VPS13B: variants seen among roughly 807,000 people sequenced by gnomAD.
VPS13B encodes intermembrane lipid transfer protein VPS13B.
VPS13B carries 285 observed loss-of-function variants against 426.4 expected under a neutral mutation model. That is an observed-to-expected ratio of 0.67 (90% CI 0.61 to 0.74). The LOEUF (loss-of-function observed/expected upper bound fraction) is 0.74, where lower values mean the gene tolerates loss of function less well. Among genes scored for constraint, VPS13B ranks in the 30% least tolerant of loss-of-function variants. The probability of loss-of-function intolerance (pLI) is 0.00; values close to 1 mark genes in which losing one functional copy is unlikely to be tolerated. For missense variants in VPS13B, 4,537 were observed against 4,782.6 expected (o/e 0.95, Z 1.51); for synonymous variants, 1,676 against 1,676.4 (o/e 1.00, Z 0.01).
chr8:99,505,393 C>T (rs1396388389), intron 27 of VPS13B, among the ~76,000 whole-genome samples: 2 of 152,120 alleles, frequency 1.3e-5, no homozygotes, highest in African/African-American at 4.8e-5. Context: ...GAGAGATTTG[C>T]AACTCTTCTT....
intron 2 of VPS13B, among the ~76,000 whole-genome samples, chr8:99,025,508 A>G (rs1730398357): frequency 6.6e-6 from 1 of 152,080 alleles, no homozygotes; most frequent in Non-Finnish European, 1.5e-5. Context: ...TTCATCAGGC[A>G]TATTGTCTTG....
chr8:99,743,916 C>A (rs1809909076), intron 39 of VPS13B, among the ~76,000 whole-genome samples: 1 of 152,136 alleles, frequency 6.6e-6, no homozygotes, highest in South Asian at 2.1e-4. Flanking sequence ...TAGGCATGGG[C>A]AAGGACTTCA....
At chr8:99,546,118 T>G (rs1823959170) in intron 30 of VPS13B, among the ~76,000 whole-genome samples, 2 of 152,084 alleles carry the variant, frequency 1.3e-5, no homozygotes, top group South Asian at 2.1e-4. Context: ...GAATACTAAC[T>G]TCTGTTCCTA....
At chr8:99,645,896 G>A (rs188430738) in intron 34 of VPS13B, among the ~76,000 whole-genome samples, 33 of 152,280 alleles carry the variant, frequency 2.2e-4, no homozygotes, top group Non-Finnish European at 3.7e-4. Context: ...AAAAAGCACT[G>A]TTCCATAACT....
intron 15 of VPS13B, among the ~76,000 whole-genome samples, chr8:99,167,471 T>G (rs1461292421): frequency 6.6e-6 from 1 of 152,026 alleles, no homozygotes; most frequent in African/African-American, 2.4e-5. Context: ...CAAAAATTAT[T>G]TATTGTATAT....
chr8:99,111,610 A>G (rs1847373252), intron 6 of VPS13B, among the ~76,000 whole-genome samples: 1 of 152,038 alleles, frequency 6.6e-6, no homozygotes, highest in Non-Finnish European at 1.5e-5. Context: ...GCATATCAGT[A>G]TTCTGTATTT....
chr8:99,866,198 A>C (rs1331115597), intron 58 of VPS13B, among the ~76,000 whole-genome samples: 1 of 152,248 alleles, frequency 6.6e-6, no homozygotes, highest in African/African-American at 2.4e-5. Flanking sequence ...GCAGAGTTTA[A>C]GTCTATGACA....
chr8:99,346,676 C>A, intron 19 of VPS13B: 1 of 177,190 alleles, frequency 5.6e-6, no homozygotes, highest in Non-Finnish European at 1.2e-5. Context: ...CAAAAGGCTC[C>A]AGGAGCTGTA....
intron 13 of VPS13B, among the ~76,000 whole-genome samples, chr8:99,145,696 T>C (rs1014611044): frequency 6.6e-6 from 1 of 151,978 alleles, no homozygotes; most frequent in African/African-American, 2.4e-5. Flanking sequence ...ATACATATAC[T>C]ATAGTTTGTT....
chr8:99,455,647 C>T (rs1333795167), intron 23 of VPS13B, among the ~76,000 whole-genome samples: 1 of 152,134 alleles, frequency 6.6e-6, no homozygotes, highest in Non-Finnish European at 1.5e-5. Flanking sequence ...ACCTACAGCC[C>T]TAGGCAACCC....
At chr8:99,229,844 C>A (rs913843764) in intron 17 of VPS13B, among the ~76,000 whole-genome samples, 3 of 152,096 alleles carry the variant, frequency 2.0e-5, no homozygotes, top group African/African-American at 7.2e-5. Context: ...AGGGTTTCAA[C>A]CAAAGGAGTG....
At chr8:99,417,535 C>T (rs995763058) in intron 21 of VPS13B, among the ~76,000 whole-genome samples, 1 of 152,050 alleles carries the variant, frequency 6.6e-6, no homozygotes, top group East Asian at 1.9e-4. Flanking sequence ...TCATTTACTC[C>T]CCTGTTCAAA....
intron 3 of VPS13B, among the ~76,000 whole-genome samples, chr8:99,049,061 T>C (rs1453332869): frequency 1.3e-5 from 2 of 152,206 alleles, no homozygotes; most frequent in Non-Finnish European, 2.9e-5. Context: ...CCTTATGTGG[T>C]AGGTGAGTCT....
intron 23 of VPS13B, among the ~76,000 whole-genome samples, chr8:99,466,723 C>G (rs1819130405): frequency 6.6e-6 from 1 of 152,076 alleles, no homozygotes; most frequent in African/African-American, 2.4e-5. Flanking sequence ...GGGAACATAT[C>G]AAAATTCATG....
At chr8:99,344,314 G>A (rs1313056716) in intron 19 of VPS13B, among the ~76,000 whole-genome samples, 1 of 152,138 alleles carries the variant, frequency 6.6e-6, no homozygotes, top group Non-Finnish European at 1.5e-5. Flanking sequence ...GTCAAAAATG[G>A]ATTAAAGACA....
intron 23 of VPS13B, among the ~76,000 whole-genome samples, chr8:99,466,835 C>T (rs972629465): frequency 1.3e-5 from 2 of 152,144 alleles, no homozygotes; most frequent in East Asian, 1.9e-4. Flanking sequence ...GGTGATCCAA[C>T]AGACCATATT....
chr8:99,107,266 T>G (rs947600064), intron 5 of VPS13B, among the ~76,000 whole-genome samples: 5 of 152,094 alleles, frequency 3.3e-5, no homozygotes, highest in African/African-American at 1.2e-4. Context: ...TGCAACATAC[T>G]TATATCCACA....
intron 16 of VPS13B, among the ~76,000 whole-genome samples, chr8:99,180,023 T>C (rs1179664139): frequency 6.6e-6 from 1 of 152,182 alleles, no homozygotes; most frequent in East Asian, 1.9e-4. Flanking sequence ...AAGGTAATAT[T>C]TGAAAGTTAT....
intron 22 of VPS13B, among the ~76,000 whole-genome samples, chr8:99,433,313 G>T (rs893826327): frequency 2.6e-5 from 4 of 152,168 alleles, no homozygotes; most frequent in African/African-American, 9.7e-5. Context: ...GGTGTCCAGG[G>T]CTTACCAGCA....
Sources: gnomAD v4.1 joint callset for allele counts (sites outside exome capture counted in the v4.1 genomes callset) on GRCh38, gnomAD v4.1.1 for gene constraint, MANE v1.5 for transcripts, NCBI Gene and HGNC (gene_info 2026-07-23, HGNC 2026-07-21) for gene names.